PFKFB3: variants seen among roughly 807,000 people sequenced by gnomAD.
PFKFB3 encodes the protein 6-phosphofructo-2-kinase/fructose-2,6-bisphosphatase 3.
Under a neutral mutation model 68.0 loss-of-function variants are expected in PFKFB3, and 33 were observed. The observed-to-expected ratio is 0.49, with a 90% CI of 0.37 to 0.65. The LOEUF (loss-of-function observed/expected upper bound fraction) is 0.65. PFKFB3 is among the 30% of genes least tolerant of loss of function. The pLI is 0.00. For synonymous variants in PFKFB3, 315 were observed against 288.2 expected (o/e 1.09, Z -0.94); for missense variants, 586 against 712.2 (o/e 0.82, Z 2.02).
chr10:6,185,644 T>TTTG (rs1842849169), intron 1 of PFKFB3, among the ~76,000 whole-genome samples: 2 of 149,634 alleles, frequency 1.3e-5, no homozygotes, highest in Admixed American at 1.3e-4. Context: ...CGCTCCTTTT[T>TTTG]TTTTTTTTTT....
chr10:6,220,595 G>A lies in PFKFB3; in HGVS notation c.624-63G>A. On this transcript the variant is annotated intron_variant, in intron 7 of 14. Coordinates refer to ENST00000379775, the MANE Select transcript of PFKFB3 (RefSeq NM_004566.4). This position sits in a 1 kb window ranked among gnomAD's most constrained non-coding sequence, Gnocchi z 4.1. ...CTGGGGATCACATCTTCGGAGACGG[G>A]CCAGGTGCATCCTGCTGTGGGTGGT... The A allele has an allele frequency of 6.8e-7, 1 of 1,468,722 alleles. No individual in the cohort carries two copies. Among genetic ancestry groups the A allele is most frequent in the Non-Finnish European group, 9.5e-7 (1 of 1,052,538 alleles). 91.0% of individuals were successfully genotyped at this position (1,468,722 alleles called of 1,614,324 possible). A position where few individuals can be genotyped will look rare whatever the true frequency, so the allele number is the denominator to read the frequency against.
At chr10:6,259,767 T>C in the PFKFB3 span, among the ~76,000 whole-genome samples, 1 of 152,228 alleles carries the variant, frequency 6.6e-6, no homozygotes, top group African/African-American at 2.4e-5. Flanking sequence ...ACCTCCAGCC[T>C]TTACCTGCAG....
intron 14 of PFKFB3, among the ~76,000 whole-genome samples, chr10:6,240,555 C>T (rs1436558756): frequency 3.9e-5 from 6 of 152,238 alleles, no homozygotes; most frequent in South Asian, 2.1e-4. Flanking sequence ...TGAGCCGCCG[C>T]GCCTGGCCTG....
chr10:6,183,373 T>C (rs1219762096), intron 1 of PFKFB3, among the ~76,000 whole-genome samples: 3 of 152,152 alleles, frequency 2.0e-5, no homozygotes, highest in African/African-American at 7.2e-5. Flanking sequence ...TTCTGTTTAC[T>C]AACTGCTTCC....
rs551472786 is a variant in PFKFB3 at position 6,210,485 on chromosome 10, C to G, written c.77-3138C>G. On this transcript the variant is annotated intron_variant, in intron 1 of 14. Coordinates refer to ENST00000379775, the MANE Select transcript of PFKFB3 (RefSeq NM_004566.4). The stretch of plus-strand genomic sequence containing the variant: ...ACGCCATTCTCCTGCCTCAGCCTCC[C>G]GAGTAGCTGGGACTACAGGCGCCCG... Among the ~76,000 whole-genome samples, 46 of 114,546 alleles carry G rather than the reference C, an allele frequency of 4.0e-4. 3 individuals carry two copies. Among genetic ancestry groups the G allele is most frequent in the African/African-American group, 1.2e-3 (45 of 37,452 alleles). The allele number at this position is 114,546 out of a possible 152,430, so 75.1% of individuals were successfully genotyped here.
In PFKFB3 at chr10:6,190,053, C is replaced by A. The variant is rs910581675; in HGVS notation, c.17-23570C>A. Among the ~76,000 whole-genome samples, 3 of 152,140 alleles carry A rather than the reference C, an allele frequency of 2.0e-5. No individual in the cohort carries two copies. The South Asian group carries it at 6.2e-4, about 32-fold the overall frequency. On this transcript the variant is annotated intron_variant, in intron 1 of 14. Transcript: ENST00000379789. ...CTGCCTTCCGGGTTCAAGTGATTCT[C>A]CTGCCTCAGCCTTCCGAGTAGCTGG...
Position 6,228,526 on chromosome 10 carries a change from C to T in PFKFB3, c.1515+2161C>T, listed in dbSNP as rs769537035. Among the ~76,000 whole-genome samples, 31 of 152,014 alleles carry T rather than the reference C, an allele frequency of 2.0e-4. No individual in the cohort carries two copies. Among genetic ancestry groups the T allele is most frequent in the Admixed American group, 4.6e-4 (7 of 15,252 alleles). ...TGTGTAATGGCCGTGGTTTAGGGCT[C>T]GGCATAAATCCACATTTCCTTATCA... On this transcript the variant is annotated intron_variant, in intron 14 of 14. Transcript: ENST00000379775. The surrounding 1 kb of genome is among the most constrained non-coding windows in gnomAD (Gnocchi z 4.5).
At chr10:6,148,174 C>T (rs532108000) in intron 1 of PFKFB3, among the ~76,000 whole-genome samples, 152 of 152,208 alleles carry the variant, frequency 1.0e-3, no homozygotes, top group Non-Finnish European at 1.9e-3. Context: ...GGAGGGGAGT[C>T]AGAAGTCCAA....
the PFKFB3 span, among the ~76,000 whole-genome samples, chr10:6,301,558 G>GT: frequency 6.6e-6 from 1 of 152,142 alleles, no homozygotes; most frequent in Non-Finnish European, 1.5e-5. Context: ...GGATTTTCAG[G>GT]TTTTTTACTT....
At chr10:6,244,230 G>T (rs1846204845) in intron 14 of PFKFB3, among the ~76,000 whole-genome samples, 1 of 152,134 alleles carries the variant, frequency 6.6e-6, no homozygotes, top group Non-Finnish European at 1.5e-5. Flanking sequence ...GATGTCAAAT[G>T]AAGAGCAGAC....
chr10:6,261,987 ACT>A, the PFKFB3 span, among the ~76,000 whole-genome samples: 1 of 148,012 alleles, frequency 6.8e-6, no homozygotes, highest in South Asian at 2.1e-4. Context: ...ACAGAGTGAG[ACT>A]CTGTCTCAAA....
the PFKFB3 span, among the ~76,000 whole-genome samples, chr10:6,275,517 G>C: frequency 1.3e-5 from 2 of 152,336 alleles, no homozygotes; most frequent in Non-Finnish European, 2.9e-5. The surrounding 1 kb of genome is among the most constrained non-coding windows in gnomAD (Gnocchi z 4.9). Flanking sequence ...CGCTGCTCTT[G>C]CTGGGAATTT....
chr10:6,319,400 C>G, the PFKFB3 span, among the ~76,000 whole-genome samples: 46 of 152,162 alleles, frequency 3.0e-4, 1 homozygote, highest in Non-Finnish European at 5.7e-4. Flanking sequence ...TGCAACAACT[C>G]AGAAACAGAA....
At chr10:6,195,332 T>C (rs775646606) in intron 1 of PFKFB3, among the ~76,000 whole-genome samples, 13 of 152,222 alleles carry the variant, frequency 8.5e-5, no homozygotes. Flanking sequence ...CGGGTTTATC[T>C]GGGCCTCACA....
downstream of PFKFB3, among the ~76,000 whole-genome samples, chr10:6,259,392 A>G (rs1294697254): frequency 6.7e-6 from 1 of 150,136 alleles, no homozygotes. Context: ...TCATCCATTC[A>G]TCTGCTCACC....
intron 1 of PFKFB3, among the ~76,000 whole-genome samples, chr10:6,194,776 G>A (rs1416213398): frequency 6.6e-6 from 1 of 152,170 alleles, no homozygotes; most frequent in Non-Finnish European, 1.5e-5. Context: ...TGCACAGTTT[G>A]CCTGGTGCTG....
chr10:6,155,385 T>C (rs1487240792), intron 1 of PFKFB3, among the ~76,000 whole-genome samples: 3 of 151,900 alleles, frequency 2.0e-5, no homozygotes, highest in African/African-American at 7.3e-5. Context: ...TTTGTATTTT[T>C]CATAGAGACG....
At chr10:6,325,006 C>T in the PFKFB3 span, among the ~76,000 whole-genome samples, 1 of 152,168 alleles carries the variant, frequency 6.6e-6, no homozygotes, top group East Asian at 1.9e-4. Context: ...CTCTGACACC[C>T]AGGCTGGAGT....
At chr10:6,304,033 A>G in the PFKFB3 span, among the ~76,000 whole-genome samples, 1 of 152,128 alleles carries the variant, frequency 6.6e-6, no homozygotes, top group Non-Finnish European at 1.5e-5. Context: ...CTGAGTCACC[A>G]TGTGGAGAAG....
Sources: gnomAD v4.1 joint callset for allele counts (sites outside exome capture counted in the v4.1 genomes callset) on GRCh38, gnomAD v4.1.1 for gene constraint, Gnocchi (gnomAD v3.1) non-coding constraint, MANE v1.5 for transcripts, NCBI Gene and HGNC (gene_info 2026-07-23, HGNC 2026-07-21) for gene names.